Variants in GRM5 observed in about 807,000 individuals in gnomAD.
GRM5 encodes the protein metabotropic glutamate receptor 5.
GRM5 carries 19 observed loss-of-function variants against 83.1 expected under a neutral mutation model. The observed-to-expected ratio is 0.23, with a 90% CI of 0.16 to 0.34. The LOEUF is 0.34. Ranked by LOEUF, GRM5 falls within the 10% of genes least tolerant of loss-of-function variation. The pLI is 1.00. For synonymous variants in GRM5, 675 were observed against 633.6 expected (o/e 1.07, Z -0.98); for missense variants, 1,160 against 1,588.3 (o/e 0.73, Z 4.58).
chr11:88,895,333 G>A (rs979393527), intron 2 of GRM5, among the ~76,000 whole-genome samples: 6 of 151,932 alleles, frequency 3.9e-5, no homozygotes, highest in African/African-American at 1.2e-4. Flanking sequence ...TATAAAGAAT[G>A]ATGAATATAA....
At chr11:88,547,700 G>C (rs1000947000) in intron 8 of GRM5, among the ~76,000 whole-genome samples, 2 of 152,076 alleles carry the variant, frequency 1.3e-5, no homozygotes, top group Non-Finnish European at 2.9e-5. Flanking sequence ...ATAGTATGAA[G>C]AGCACAAGGA....
At position 88,605,671 on chromosome 11, in the gene GRM5, G is replaced by A. The variant is rs183474406; in HGVS notation, c.1148-707C>T. Among the ~76,000 whole-genome samples the A allele has an allele frequency of 1.1e-3, 173 of 152,266 alleles. 1 individual carries two copies. The Middle Eastern group carries it at 0.014, about 12-fold the overall frequency. On this transcript the variant is annotated intron_variant, in intron 4 of 9. Transcript: ENST00000305447. ...CAGAGATAAATTATGTAAATACAGT[G>A]AAAGGTAGAATATAATAAATCTGTA...
intron 8 of GRM5, among the ~76,000 whole-genome samples, chr11:88,541,371 T>A (rs1318944573): frequency 6.6e-6 from 1 of 152,212 alleles, no homozygotes; most frequent in African/African-American, 2.4e-5. Context: ...CAGAGTGTGA[T>A]AAGCTAATGC....
At chr11:88,631,611 T>G in intron 4 of GRM5, among the ~76,000 whole-genome samples, 1 of 152,166 alleles carries the variant, frequency 6.6e-6, no homozygotes, top group East Asian at 1.9e-4. Flanking sequence ...TGGCCCCCGG[T>G]TACAGAGTGA....
At chr11:88,591,805 C>A (rs1220802113) in intron 6 of GRM5, among the ~76,000 whole-genome samples, 1 of 152,134 alleles carries the variant, frequency 6.6e-6, no homozygotes, top group Non-Finnish European at 1.5e-5. Flanking sequence ...CCTAAAGTAA[C>A]TAAATAAGTG....
At chr11:88,636,132 T>C (rs1939112601) in intron 4 of GRM5, among the ~76,000 whole-genome samples, 1 of 152,226 alleles carries the variant, frequency 6.6e-6, no homozygotes, top group South Asian at 2.1e-4. Context: ...ACTTATTTTT[T>C]TCTTGACTTA....
Position 88,508,814 on chromosome 11 carries a change from C to G in GRM5, c.3417G>C (p.Ala1139=), listed in dbSNP as rs765640373. The G allele has an allele frequency of 2.0e-6, 3 of 1,525,870 alleles. No individual in the cohort carries two copies. Among genetic ancestry groups the G allele is most frequent in the African/African-American group, 1.4e-5 (1 of 70,066 alleles). 94.5% of individuals were successfully genotyped at this position (1,525,870 alleles called of 1,614,324 possible). The change falls in exon 10 of 10, where the codon GCG becomes GCC. Residue 1139 remains alanine (A), a synonymous_variant. Transcript: ENST00000305447. This position sits in a 1 kb window ranked among gnomAD's most constrained non-coding sequence, Gnocchi z 4.2. ...GACCGGCCGCGGGGCTCTCCCGGGC[C>G]GCGTCCCCAGCCGCCTGCGCCCCTG... ...PAAGAQAAGD[A]ARESPAAGPE...
chr11:89,006,230 C>T (rs1270685761), intron 2 of GRM5, among the ~76,000 whole-genome samples: 3 of 152,182 alleles, frequency 2.0e-5, no homozygotes, highest in African/African-American at 4.8e-5. Flanking sequence ...CAAATTGATA[C>T]AACTTATCTA....
At chr11:88,653,073 T>C in intron 4 of GRM5, 95 bp downstream of exon 4, 2 of 761,208 alleles carry the variant, frequency 2.6e-6, no homozygotes, top group Non-Finnish European at 4.5e-6. Flanking sequence ...GAGTCCTCCC[T>C]TGTAACATAT....
chr11:88,786,945 G>A (rs1194258244), intron 3 of GRM5, among the ~76,000 whole-genome samples: 1 of 152,046 alleles, frequency 6.6e-6, no homozygotes, highest in Non-Finnish European at 1.5e-5. Context: ...AATAATGTAT[G>A]TATTATTCAG....
intron 2 of GRM5, among the ~76,000 whole-genome samples, chr11:88,963,069 G>A (rs1169903396): frequency 6.6e-6 from 1 of 152,140 alleles, no homozygotes; most frequent in Non-Finnish European, 1.5e-5. Flanking sequence ...CCAGCCTGGT[G>A]ACAGAACAAG....
intron 3 of GRM5, among the ~76,000 whole-genome samples, chr11:88,772,254 G>T (rs954407064): frequency 2.0e-5 from 3 of 152,056 alleles, no homozygotes; most frequent in Admixed American, 6.6e-5. Context: ...AAATGTAAAA[G>T]AGAAGAAACA....
chr11:88,817,040 A>G (rs1030472876), intron 3 of GRM5, among the ~76,000 whole-genome samples: 2 of 152,116 alleles, frequency 1.3e-5, no homozygotes, highest in Non-Finnish European at 2.9e-5. Flanking sequence ...CAAGCAAAAA[A>G]CTTCAAATTT....
At chr11:89,033,726 A>G (rs977950570) in intron 2 of GRM5, among the ~76,000 whole-genome samples, 1 of 151,910 alleles carries the variant, frequency 6.6e-6, no homozygotes, top group Non-Finnish European at 1.5e-5. Context: ...TACTCAAATT[A>G]CTAATCTCTA....
intron 3 of GRM5, among the ~76,000 whole-genome samples, chr11:88,765,242 C>A: frequency 6.6e-6 from 1 of 151,024 alleles, no homozygotes; most frequent in East Asian, 1.9e-4. Context: ...CCCTGGGAAT[C>A]AAAAAAATCT....
chr11:88,687,817 T>TA (rs1459679679), intron 3 of GRM5, among the ~76,000 whole-genome samples: 1 of 150,844 alleles, frequency 6.6e-6, no homozygotes, highest in African/African-American at 2.4e-5. Context: ...CTAAACTCTA[T>TA]ATGAGAAAAG....
chr11:88,914,800 A>T (rs760352636), intron 2 of GRM5, among the ~76,000 whole-genome samples: 19 of 152,154 alleles, frequency 1.2e-4, no homozygotes, highest in Admixed American at 2.6e-4. Flanking sequence ...CATAATAGGT[A>T]TTTTTCTTCT....
intron 3 of GRM5, 141 bp from the exon 4 acceptor site, chr11:88,653,544 A>G (rs1939692353): frequency 1.7e-6 from 1 of 588,732 alleles, no homozygotes; most frequent in Non-Finnish European, 3.0e-6. Context: ...CGACATGATT[A>G]TTGATATAGA....
At chr11:88,511,050 A>G (rs1941355836) in intron 9 of GRM5, among the ~76,000 whole-genome samples, 1 of 152,198 alleles carries the variant, frequency 6.6e-6, no homozygotes, top group South Asian at 2.1e-4. Context: ...CATTTGTCAA[A>G]GATATAAGAT....
Sources: gnomAD v4.1 joint callset for allele counts (sites outside exome capture counted in the v4.1 genomes callset) on GRCh38, gnomAD v4.1.1 for gene constraint, Gnocchi (gnomAD v3.1) non-coding constraint, MANE v1.5 for transcripts, NCBI Gene and HGNC (gene_info 2026-07-23, HGNC 2026-07-21) for gene names.